The following TACC2 variants were observed in gnomAD, a reference collection of about 807,000 sequenced individuals.
TACC2 encodes the protein transforming acidic coiled-coil containing protein 2.
TACC2 carries 137 observed loss-of-function variants against 227.3 expected under a neutral mutation model. The ratio of observed to expected loss-of-function variants is 0.60; its 90% CI spans 0.52 to 0.69. The LOEUF is 0.69. TACC2 is among the 30% of genes least tolerant of loss of function. The pLI is 0.00. For synonymous variants in TACC2, 1,523 were observed against 1,487.5 expected (o/e 1.02, Z -0.55); for missense variants, 3,470 against 3,694.4 (o/e 0.94, Z 1.57).
chr10:122,243,797 G>A (rs1292945984), intron 19 of TACC2, among the ~76,000 whole-genome samples: 1 of 152,116 alleles, frequency 6.6e-6, no homozygotes, highest in Non-Finnish European at 1.5e-5. Context: ...CTCCATCTCA[G>A]AGCCATACAC....
chr10:122,203,095 A>G (rs1025461714), intron 8 of TACC2, among the ~76,000 whole-genome samples: 23 of 152,266 alleles, frequency 1.5e-4, no homozygotes, highest in Non-Finnish European at 2.1e-4. Flanking sequence ...CGATTTCTCA[A>G]TCTTTTCCCC....
intron 11 of TACC2, chr10:122,217,037 T>G: frequency 9.7e-7 from 1 of 1,026,626 alleles, no homozygotes; most frequent in Non-Finnish European, 1.4e-6. Flanking sequence ...GACCCAAGAC[T>G]CCTGCTAAGA....
chr10:122,243,410 TATA>T (rs2096048741), intron 19 of TACC2, among the ~76,000 whole-genome samples: 1 of 152,170 alleles, frequency 6.6e-6, no homozygotes, highest in South Asian at 2.1e-4. Context: ...CCAAGGTAAA[TATA>T]ATAGTAGCCT....
intron 3 of TACC2, among the ~76,000 whole-genome samples, chr10:122,053,566 C>T (rs1301871331): frequency 6.6e-6 from 1 of 152,124 alleles, no homozygotes; most frequent in African/African-American, 2.4e-5. Flanking sequence ...CCACACTGCC[C>T]CTCAGGCTGA....
chr10:122,157,051 G>A (rs868695045), intron 7 of TACC2, among the ~76,000 whole-genome samples: 3 of 152,328 alleles, frequency 2.0e-5, no homozygotes, highest in Middle Eastern at 3.4e-3. Flanking sequence ...GGTCGAGGCT[G>A]CAGTGAGATG....
intron 7 of TACC2, among the ~76,000 whole-genome samples, chr10:122,161,703 T>C (rs1215324779): frequency 6.6e-6 from 1 of 152,260 alleles, no homozygotes; most frequent in Non-Finnish European, 1.5e-5. Context: ...TTTTTAAAAG[T>C]TGGCAGATGA....
intron 3 of TACC2, among the ~76,000 whole-genome samples, chr10:122,063,598 G>A (rs541775416): frequency 5.3e-5 from 8 of 152,202 alleles, no homozygotes; most frequent in African/African-American, 1.9e-4. Context: ...ATTTATTGTA[G>A]CAACTTGGAA....
At chr10:122,235,564 T>G (rs1399348436) in intron 16 of TACC2, among the ~76,000 whole-genome samples, 1 of 152,154 alleles carries the variant, frequency 6.6e-6, no homozygotes, top group Non-Finnish European at 1.5e-5. Flanking sequence ...ATTGTGTGTT[T>G]ATGAACTTTC....
At position 122,087,401 on chromosome 10, in the gene TACC2, C is replaced by A. The variant is rs768793077; in HGVS notation, c.4901C>A (p.Pro1634His). Residue 1634 changes from proline to histidine, a missense_variant, in exon 4 of 23, where the codon CCT (proline) becomes CAT (histidine). Physicochemically the swap from Pro to His is moderately conservative, Grantham distance 77. Around this residue, in one of 10 missense-constraint regions of TACC2, gnomAD observed 1,924 missense variants for 1,978.3 expected, o/e 0.97. Coordinates refer to ENST00000369005, the MANE Select transcript of TACC2 (RefSeq NM_206862.4). ...CATGTGCCAAGGTCCACGTGTGCCC[C>A]TTCTCCTCAGAGGGAGGTTTTGACT... is the stretch of plus-strand genomic sequence containing the variant. ...PGHVPRSTCA[P>H]SPQREVLTVP... 6.2e-7 allele frequency: 1 copy of A among 1,614,056 alleles called. No homozygotes were observed. Among genetic ancestry groups the A allele is most frequent in the East Asian group, 2.2e-5 (1 of 44,882 alleles).
Position 122,141,687 on chromosome 10 carries a change from C to A in TACC2, c.5700-1885C>A, listed in dbSNP as rs534031058. ...ACAGATCTAAGGTAGCATCTCCCCC[C>A]CACCCGCCACTGTTTTCTAAGACAG... On this transcript the variant is annotated intron_variant, in intron 6 of 22. Coordinates refer to ENST00000369005, the MANE Select transcript of TACC2 (RefSeq NM_206862.4). The surrounding 1 kb of genome is among the most constrained non-coding windows in gnomAD (Gnocchi z 4.3). 7.2e-5 allele frequency among the ~76,000 whole-genome samples: 11 copies of A among 152,202 alleles called. No homozygotes were observed. In the South Asian group the frequency reaches 2.3e-3, roughly 32 times the overall value.
rs2093945551 is a variant in TACC2, at chr10:122,180,701, T to A, written c.5835-14339T>A. ...CTTCATGTCTCAGCTTTGAGAAGCC[T>A]CCCTTCCCAGGGAGTGCAAGAGGAA... is the stretch of plus-strand genomic sequence containing the variant. On this transcript the variant is annotated intron_variant, in intron 7 of 22. Transcript: ENST00000369005. This position sits in a 1 kb window ranked among gnomAD's most constrained non-coding sequence, Gnocchi z 4.5. Among the ~76,000 whole-genome samples the A allele has an allele frequency of 6.6e-6, 1 of 152,008 alleles. No individual in the cohort carries two copies. The highest frequency in any genetic ancestry group is 2.4e-5 in the African/African-American group (1 of 41,380).
intron 5 of TACC2, among the ~76,000 whole-genome samples, chr10:122,094,748 G>T: frequency 6.6e-6 from 1 of 152,150 alleles, no homozygotes; most frequent in East Asian, 1.9e-4. Context: ...CTTGTCCCCT[G>T]TTCATGCTGC....
At chr10:122,047,449 G>T (rs2459104) in intron 2 of TACC2, among the ~76,000 whole-genome samples, 47 of 152,260 alleles carry the variant, frequency 3.1e-4, no homozygotes, top group Middle Eastern at 3.4e-3. Context: ...CCCCTCAGGG[G>T]GGGGCAGGGG....
intron 5 of TACC2, among the ~76,000 whole-genome samples, chr10:122,107,917 G>A (rs1293093163): frequency 2.8e-5 from 3 of 108,874 alleles, no homozygotes; most frequent in Admixed American, 1.3e-4. Flanking sequence ...TTTTTGAGAC[G>A]GAGTCTCACT....
intron 7 of TACC2, among the ~76,000 whole-genome samples, chr10:122,149,406 G>T (rs1410574242): frequency 3.3e-5 from 5 of 152,206 alleles, no homozygotes; most frequent in Non-Finnish European, 7.3e-5. Context: ...AGGCCCAGGA[G>T]ACACCCCTTG....
chr10:122,229,869 G>T (rs974988197), intron 15 of TACC2, among the ~76,000 whole-genome samples: 6 of 152,112 alleles, frequency 3.9e-5, no homozygotes, highest in East Asian at 3.9e-4. Flanking sequence ...GATAACATCT[G>T]GGCTCAGTCT....
intron 7 of TACC2, among the ~76,000 whole-genome samples, chr10:122,184,691 A>G (rs2094116427): frequency 6.6e-6 from 1 of 152,250 alleles, no homozygotes; most frequent in African/African-American, 2.4e-5. Context: ...GTGTCTGTAC[A>G]TAGACATCTG....
Position 121,989,229 on chromosome 10 carries a change from A to T in TACC2, c.-305A>T, listed in dbSNP as rs2134821221. 1 of 152,402 alleles carries T rather than the reference A, an allele frequency of 6.6e-6. No individual in the cohort carries two copies. Among genetic ancestry groups the T allele is most frequent in the African/African-American group, 2.4e-5 (1 of 41,600 alleles). The allele number at this position is 152,402 out of a possible 1,614,324, so 9.4% of individuals were successfully genotyped here. ...GAAACGCAAATCCCAGAACCGTGCC[A>T]ACATATAAAACCCCACATTAAGGGT... is the stretch of plus-strand genomic sequence containing the variant. On this transcript the variant is annotated 5_prime_UTR_variant, in exon 1 of 23. Transcript: ENST00000369005.
At chr10:122,175,343 G>A (rs939543011) in intron 7 of TACC2, among the ~76,000 whole-genome samples, 3 of 152,204 alleles carry the variant, frequency 2.0e-5, no homozygotes, top group African/African-American at 7.2e-5. Flanking sequence ...ATTAGTTAAT[G>A]TGGGAAAGGA....
Sources: gnomAD v4.1 joint callset for allele counts (sites outside exome capture counted in the v4.1 genomes callset) on GRCh38, gnomAD v4.1.1 for gene constraint, gnomAD v4.1.1 regional missense constraint, Gnocchi (gnomAD v3.1) non-coding constraint, MANE v1.5 for transcripts, NCBI Gene and HGNC (gene_info 2026-07-23, HGNC 2026-07-21) for gene names.